Variants in USP44 observed in about 807,000 individuals in gnomAD.
USP44 encodes the protein ubiquitin specific peptidase 44.
A neutral mutation model predicts 69.0 loss-of-function variants in USP44; 61 were observed. The observed-to-expected ratio is 0.88, with a 90% CI of 0.72 to 1.09. The LOEUF (loss-of-function observed/expected upper bound fraction) is 1.09, where lower values mean the gene tolerates loss of function less well. Ranked by LOEUF, USP44 falls within the 50% of genes least tolerant of loss-of-function variation. The pLI is 0.00. For synonymous variants in USP44, 297 were observed against 295.4 expected, an observed-to-expected ratio of 1.01 and a Z score of -0.06; for missense variants, 753 against 849.9, an observed-to-expected ratio of 0.89 and a Z score of 1.42.
intron 5 of USP44, 130 bp from the exon 6 acceptor site, chr12:95,518,483 T>A: frequency 1.1e-6 from 1 of 922,596 alleles, no homozygotes; most frequent in Non-Finnish European, 1.6e-6. Flanking sequence ...TAATGAGAAA[T>A]ATAGATTGGG....
rs528935684 is a variant in USP44, at chr12:95,516,829, G to A, written c.*1325C>T. On this transcript the variant is annotated 3_prime_UTR_variant, in exon 6 of 6. Coordinates refer to ENST00000258499, the MANE Select transcript of USP44 (RefSeq NM_032147.5). ...TACTTAACAGATGATCACTAGTGGT[G>A]AACAGCATTCTACAGGATACTATCT... 21 of 151,578 alleles carry A rather than the reference G, an allele frequency of 1.4e-4. No individual in the cohort carries two copies. The highest frequency in any genetic ancestry group is 4.8e-4 in the African/African-American group (20 of 41,256). The allele number at this position is 151,578 out of a possible 1,614,324, so 9.4% of individuals were successfully genotyped here. A position where few individuals can be genotyped will look rare whatever the true frequency, so the allele number is the denominator to read the frequency against.
intron 5 of USP44, among the ~76,000 whole-genome samples, chr12:95,520,217 GTGTGGTGGCTCATGCC>G (rs1421557961): frequency 6.6e-6 from 1 of 151,806 alleles, no homozygotes; most frequent in Non-Finnish European, 1.5e-5. Flanking sequence ...GTAAGGCTGG[GTGTGGTGGCTCATGCC>G]TGTAATCCCA....
Position 95,528,946 on chromosome 12 carries a change from C to T in USP44, c.1485G>A (p.Leu495=), listed in dbSNP as rs1209211051. Residue 495 remains leucine (L), a synonymous_variant, in exon 3 of 6, where the codon TTG becomes TTA. Transcript: ENST00000258499. ...GATACCTTTCTGGAAACTCCAATGA[C>T]AAGTCCCAGAAAGGTTCTATGGTAT... ...KSNTIEPFWD[L]SLEFPERYQC... The T allele has an allele frequency of 6.2e-7, 1 of 1,613,926 alleles. No individual in the cohort carries two copies. Among genetic ancestry groups the T allele is most frequent in the Non-Finnish European group, 8.5e-7 (1 of 1,179,960 alleles).
intron 2 of USP44, among the ~76,000 whole-genome samples, chr12:95,531,155 C>T (rs1246816858): frequency 6.6e-6 from 1 of 150,568 alleles, no homozygotes; most frequent in Non-Finnish European, 1.5e-5. Flanking sequence ...CAGAGTGAGA[C>T]TCTGTCTCAA....
At position 95,517,152 on chromosome 12, in the gene USP44, T is replaced by TAGTC. The variant is rs1284223266; in HGVS notation, c.*998_*1001dup. ...AGTGTTTTAAGAGGCTCCTACCTAGTAGTCACATAATCCTAGCAAGAGTAA... is the reference window on the plus strand; with the variant it reads ...AGTGTTTTAAGAGGCTCCTACCTAGTAGTCAGTCACATAATCCTAGCAAGAGTAA... On this transcript the variant is annotated 3_prime_UTR_variant, in exon 6 of 6. Coordinates refer to ENST00000258499, the MANE Select transcript of USP44 (RefSeq NM_032147.5). The TAGTC allele has an allele frequency of 6.6e-6, 1 of 151,570 alleles. No homozygotes were observed. The highest frequency in any genetic ancestry group is 1.5e-5 in the Non-Finnish European group (1 of 67,922). 9.4% of individuals were successfully genotyped at this position (151,570 alleles called of 1,614,324 possible).
At chr12:95,526,655 G>C (rs1341617500) in intron 3 of USP44, among the ~76,000 whole-genome samples, 1 of 152,096 alleles carries the variant, frequency 6.6e-6, no homozygotes, top group Non-Finnish European at 1.5e-5. Flanking sequence ...AAGTGTTAAA[G>C]TCATTCCAGG....
intron 1 of USP44, among the ~76,000 whole-genome samples, chr12:95,537,443 C>A (rs1032439444): frequency 1.3e-5 from 2 of 152,036 alleles, no homozygotes; most frequent in African/African-American, 4.8e-5. Context: ...CTTAGCCTCC[C>A]GAGTAGCTGG....
In USP44 at chr12:95,533,826, T is replaced by A; in HGVS notation, c.431A>T (p.Asp144Val). Residue 144 changes from aspartate to valine, a missense_variant, in exon 2 of 6, where the codon GAT becomes GTT. Physicochemically the swap from Asp to Val is radical, Grantham distance 152. Transcript: ENST00000258499. ...GTGCCAAAGAGCAGTATACAGTTGA[T>A]CTTCACTTTGAAGCAGAGATTGGGC... ...DGAQSLLQSE[D>V]QLYTALWHRR... is the part of the protein sequence containing the mutation. 1.2e-6 allele frequency: 2 copies of A among 1,614,198 alleles called. No individual in the cohort carries two copies. The highest frequency in any genetic ancestry group is 1.7e-6 in the Non-Finnish European group (2 of 1,180,034).
intron 1 of USP44, among the ~76,000 whole-genome samples, chr12:95,544,307 G>A (rs1318179213): frequency 2.0e-5 from 3 of 151,702 alleles, no homozygotes; most frequent in Admixed American, 6.6e-5. Context: ...CACCCGCCTC[G>A]ACCTCCCAAA....
chr12:95,532,900 A>T lies in USP44; in HGVS notation c.1357T>A (p.Ser453Thr). The T allele has an allele frequency of 1.2e-6, 2 of 1,612,872 alleles. No homozygotes were observed. The highest frequency in any genetic ancestry group is 1.7e-6 in the Non-Finnish European group (2 of 1,179,720). ...GTSLPALIPT[S>T]QRKLIKQVLN... ...ACTTGTTTGATGAGTTTCCTTTGAG[A>T]AGTGGGGATAAGAGCTGGTAAACTG... Residue 453 changes from serine to threonine, a missense_variant, in exon 2 of 6, where the codon TCT (serine) becomes ACT (threonine). Coordinates refer to ENST00000258499, the MANE Select transcript of USP44 (RefSeq NM_032147.5).
rs2076515187 is a variant in USP44 at position 95,517,611 on chromosome 12, C to T, written c.*543G>A. 1 of 152,160 alleles carries T rather than the reference C, an allele frequency of 6.6e-6. No homozygotes were observed. The highest frequency in any genetic ancestry group is 6.5e-5 in the Admixed American group (1 of 15,276). 9.4% of individuals were successfully genotyped at this position (152,160 alleles called of 1,614,324 possible). On this transcript the variant is annotated 3_prime_UTR_variant, in exon 6 of 6. Coordinates refer to ENST00000258499, the MANE Select transcript of USP44 (RefSeq NM_032147.5). ...TAAAGCAATTTTGGGGTTACATTAA[C>T]CAAAATAATGTCAATTACAAGGCCT...
chr12:95,518,263 TG>T lies in USP44; in HGVS notation c.2029del (p.Gln677AsnfsTer56), dbSNP rs2076538926. 17 of 1,614,058 alleles carry T rather than the reference TG, an allele frequency of 1.1e-5. No individual in the cohort carries two copies. The highest frequency in any genetic ancestry group is 1.3e-5 in the African/African-American group (1 of 74,930). On this transcript the variant is annotated frameshift_variant, in exon 6 of 6. Coordinates refer to ENST00000258499, the MANE Select transcript of USP44 (RefSeq NM_032147.5). LOFTEE classifies it high-confidence loss of function. ...AGAATGTCCATTCTCAGTAACTCGT[TG>T]GGTATAAAACAAGATATAAGCTTGA... is the stretch of plus-strand genomic sequence containing the variant. The part of the protein sequence containing the change: ...KAQAYILFYT[Q>X]RVTENGHSKL...
chr12:95,550,519 C>A (rs966496413), intron 1 of USP44, among the ~76,000 whole-genome samples: 2 of 152,158 alleles, frequency 1.3e-5, no homozygotes, highest in Non-Finnish European at 2.9e-5. Flanking sequence ...GCATTAAAAG[C>A]ATTACATGAG....
intron 4 of USP44, 95 bp downstream of exon 4, chr12:95,524,585 A>C (rs2076773248): frequency 2.2e-6 from 2 of 907,674 alleles, no homozygotes; most frequent in Non-Finnish European, 3.3e-6. Flanking sequence ...AAAGGTGATT[A>C]AAGTAAGGGG....
chr12:95,536,722 T>C (rs148585611), intron 1 of USP44, among the ~76,000 whole-genome samples: 2 of 152,336 alleles, frequency 1.3e-5, no homozygotes, highest in African/African-American at 4.8e-5. Flanking sequence ...TCTCCACTTC[T>C]GTCCTTACTG....
At chr12:95,540,577 G>A (rs1022090921) in intron 1 of USP44, among the ~76,000 whole-genome samples, 1 of 151,972 alleles carries the variant, frequency 6.6e-6, no homozygotes, top group African/African-American at 2.4e-5. Context: ...CCTGACCTCA[G>A]GTGATCTGAC....
chr12:95,545,985 C>T (rs2077558138), intron 1 of USP44, among the ~76,000 whole-genome samples: 1 of 152,180 alleles, frequency 6.6e-6, no homozygotes. Flanking sequence ...ATGTCTCTAA[C>T]ATGCCTCTCC....
At chr12:95,549,471 G>A (rs2077683837) in intron 1 of USP44, among the ~76,000 whole-genome samples, 1 of 152,130 alleles carries the variant, frequency 6.6e-6, no homozygotes, top group Admixed American at 6.5e-5. Flanking sequence ...GGAAAGTCAA[G>A]GCTAAGGTAC....
chr12:95,530,303 A>C (rs12817424), intron 2 of USP44, among the ~76,000 whole-genome samples: 14,707 of 152,198 alleles, frequency 0.097, 741 homozygotes, highest in East Asian at 0.2. Flanking sequence ...CAAAAAAAAC[A>C]AAAACAAAAG....
Sources: gnomAD v4.1 joint callset for allele counts (sites outside exome capture counted in the v4.1 genomes callset) on GRCh38, gnomAD v4.1.1 for gene constraint, MANE v1.5 for transcripts, NCBI Gene and HGNC (gene_info 2026-07-23, HGNC 2026-07-21) for gene names.